OLFML2B: variants seen among roughly 807,000 people sequenced by gnomAD.
OLFML2B encodes olfactomedin-like protein 2B.
In OLFML2B, 57 loss-of-function variants were observed where a neutral mutation model predicts 74.9. The ratio of observed to expected loss-of-function variants is 0.76; its 90% CI spans 0.61 to 0.95. OLFML2B has a LOEUF of 0.95. Among genes scored for constraint, OLFML2B ranks in the 40% least tolerant of loss-of-function variants. The pLI is 0.00. For missense variants in OLFML2B, 986 were observed against 970.6 expected, an observed-to-expected ratio of 1.02 and a Z score of -0.21; for synonymous variants, 388 against 405.8, an observed-to-expected ratio of 0.96 and a Z score of 0.53.
In OLFML2B at chr1:161,997,780, T is replaced by C. The variant is rs200896596; in HGVS notation, c.1474+45A>G. On this transcript the variant is annotated intron_variant, in intron 6 of 7. Coordinates refer to ENST00000294794, the MANE Select transcript of OLFML2B (RefSeq NM_015441.3). ...CAAGATATTTCCAGGCTCAGCCTTT[T>C]ACCTGAGCTGATCAGGAGACCAAGG... 2,520 of 1,557,884 alleles carry C rather than the reference T, an allele frequency of 1.6e-3. 60 individuals carry two copies. In the South Asian group the frequency reaches 0.029, roughly 18 times the overall value.
In OLFML2B at chr1:161,998,233, G is replaced by T. The variant is rs1306231691; in HGVS notation, c.1066C>A (p.His356Asn). ...TRRPAATRQG[H>N]STAVTSDLNA... ...AGGTCGCTTGTCACAGCAGTGCTGT[G>T]TCCCTGACGGGTGGCTGCAGGCCTC... The change falls in exon 6 of 8, where the codon CAC becomes AAC. Residue 356 changes from histidine to asparagine, a missense_variant. Coordinates refer to ENST00000294794, the MANE Select transcript of OLFML2B (RefSeq NM_015441.3). 1 of 1,612,770 alleles carries T rather than the reference G, an allele frequency of 6.2e-7. No individual in the cohort carries two copies. Among genetic ancestry groups the T allele is most frequent in the Admixed American group, 1.7e-5 (1 of 60,010 alleles).
At position 162,023,619 on chromosome 1, in the gene OLFML2B, G is replaced by C; in HGVS notation, c.-189C>G. 1 of 462,562 alleles carries C rather than the reference G, an allele frequency of 2.2e-6. No individual in the cohort carries two copies. 28.7% of individuals were successfully genotyped at this position (462,562 alleles called of 1,614,324 possible). On this transcript the variant is annotated 5_prime_UTR_variant, in exon 1 of 8. Coordinates refer to ENST00000294794, the MANE Select transcript of OLFML2B (RefSeq NM_015441.3). ...CAGAGACTCTGGGCATCTCCTTCCC[G>C]ACGCGAGCAGCCCTCGACTGTGCAG...
At chr1:161,988,277 C>G (rs760225200) in intron 6 of OLFML2B, among the ~76,000 whole-genome samples, 1 of 152,156 alleles carries the variant, frequency 6.6e-6, no homozygotes, top group Non-Finnish European at 1.5e-5. Context: ...GGGGCCCTTC[C>G]CCTCAGCATA....
chr1:161,987,173 A>G (rs188268280), intron 6 of OLFML2B, among the ~76,000 whole-genome samples: 2 of 152,392 alleles, frequency 1.3e-5, no homozygotes, highest in East Asian at 3.9e-4. Context: ...CTTCAGAAGT[A>G]AAATGATTGT....
chr1:162,017,674 A>G (rs184627008), intron 2 of OLFML2B, among the ~76,000 whole-genome samples, 167 bp from the exon 3 acceptor site: 5 of 152,346 alleles, frequency 3.3e-5, no homozygotes, highest in East Asian at 1.9e-4. Flanking sequence ...GGCAAGCACA[A>G]TGGTGTATGT....
At chr1:162,020,240 G>T in intron 1 of OLFML2B, 58 bp from the exon 2 acceptor site, 1 of 1,582,186 alleles carries the variant, frequency 6.3e-7, no homozygotes. Flanking sequence ...TCAGCCTCCA[G>T]AAGGAGGCTC....
rs144678564 is a variant in OLFML2B at position 162,004,407 on chromosome 1, A to G, written c.723+1890T>C. On this transcript the variant is annotated intron_variant, in intron 4 of 7. Coordinates refer to ENST00000294794, the MANE Select transcript of OLFML2B (RefSeq NM_015441.3). ...TTTCTGAAGAAATATGATATTTCCAAAAAAGCACCAAAGTAGTCATCATGG... is the reference window on the plus strand; with the variant it reads ...TTTCTGAAGAAATATGATATTTCCAGAAAAGCACCAAAGTAGTCATCATGG... Among the ~76,000 whole-genome samples the G allele has an allele frequency of 2.0e-3, 298 of 152,338 alleles. 1 individual carries two copies. The highest frequency in any genetic ancestry group is 6.8e-3 in the African/African-American group (284 of 41,580).
rs879087072 is a variant in OLFML2B, at chr1:161,984,120, T to G, written c.1808A>C (p.Asp603Ala). ...RYVAAWAMLHDVAYEEATPWR... is the reference protein window; with the variant it reads ...RYVAAWAMLHAVAYEEATPWR... ...GGGGGTGGCCTCCTCGTAGGCCACG[T>G]CATGCAGCATGGCCCAGGCAGCCAC... The change falls in exon 8 of 8, where the codon GAC becomes GCC. Residue 603 changes from aspartate (D) to alanine (A), a missense_variant. Asp to Ala is a moderately radical substitution (Grantham distance 126, BLOSUM62 -2). Transcript: ENST00000294794. 15 of 1,611,302 alleles carry G rather than the reference T, an allele frequency of 9.3e-6. No individual in the cohort carries two copies. The highest frequency in any genetic ancestry group is 1.3e-5 in the Non-Finnish European group (15 of 1,178,346).
At chr1:161,993,420 C>T (rs1689799015) in intron 6 of OLFML2B, among the ~76,000 whole-genome samples, 1 of 152,134 alleles carries the variant, frequency 6.6e-6, no homozygotes, top group African/African-American at 2.4e-5. Flanking sequence ...GTGTTGGTCT[C>T]AATACAAGCT....
intron 5 of OLFML2B, 60 bp downstream of exon 5, chr1:162,000,053 T>C: frequency 1.5e-6 from 2 of 1,339,544 alleles, no homozygotes; most frequent in Non-Finnish European, 2.1e-6. Context: ...CCCACTATGG[T>C]CCAAATGGTG....
chr1:162,022,343 C>G lies in OLFML2B; in HGVS notation c.174+914G>C, dbSNP rs796153851. ...TCCGCTTACTGCAACCTCCACCTCCCGGGTTCAAGCGATTCTCCTGCCTCA... is the reference window on the plus strand; with the variant it reads ...TCCGCTTACTGCAACCTCCACCTCCGGGGTTCAAGCGATTCTCCTGCCTCA... On this transcript the variant is annotated intron_variant, in intron 1 of 7. Transcript: ENST00000294794. Among the ~76,000 whole-genome samples the G allele has an allele frequency of 2.1e-5, 3 of 145,350 alleles. No individual in the cohort carries two copies. The South Asian group carries it at 6.6e-4, about 32-fold the overall frequency.
chr1:162,005,769 G>T (rs1344456424), intron 4 of OLFML2B, among the ~76,000 whole-genome samples: 1 of 152,076 alleles, frequency 6.6e-6, no homozygotes, highest in East Asian at 1.9e-4. Context: ...ACCAGGCATG[G>T]TAGCATGTGC....
At chr1:162,017,922 T>C (rs1197652592) in intron 2 of OLFML2B, among the ~76,000 whole-genome samples, 1 of 152,152 alleles carries the variant, frequency 6.6e-6, no homozygotes, top group Admixed American at 6.5e-5. Flanking sequence ...GAAAATGCAG[T>C]ATGTATATAC....
In OLFML2B at chr1:162,022,031, G is replaced by C. The variant is rs147164597; in HGVS notation, c.174+1226C>G. Among the ~76,000 whole-genome samples the C allele has an allele frequency of 2.7e-3, 406 of 152,234 alleles. 2 individuals carry two copies. The highest frequency in any genetic ancestry group is 9.2e-3 in the African/African-American group (382 of 41,524). The stretch of plus-strand genomic sequence containing the variant: ...CTCTACAGGAAGGAGACAAGGCCCA[G>C]TCCTAGGGCTTGGTGGAGGTGAAGG... On this transcript the variant is annotated intron_variant, in intron 1 of 7. Coordinates refer to ENST00000294794, the MANE Select transcript of OLFML2B (RefSeq NM_015441.3).
intron 2 of OLFML2B, among the ~76,000 whole-genome samples, chr1:162,018,659 C>A (rs546510061): frequency 6.6e-6 from 1 of 152,266 alleles, no homozygotes; most frequent in South Asian, 2.1e-4. Flanking sequence ...GAGGCTCTGG[C>A]GGCACTGAGG....
At chr1:162,017,679 G>A (rs1364799693) in intron 2 of OLFML2B, among the ~76,000 whole-genome samples, 172 bp from the exon 3 acceptor site, 3 of 152,264 alleles carry the variant, frequency 2.0e-5, no homozygotes, top group Non-Finnish European at 4.4e-5. Context: ...GCACAATGGT[G>A]TATGTGCATT....
At chr1:162,011,708 C>T (rs1690393355) in intron 3 of OLFML2B, among the ~76,000 whole-genome samples, 1 of 152,224 alleles carries the variant, frequency 6.6e-6, no homozygotes, top group Admixed American at 6.5e-5. Flanking sequence ...GATGACTTGA[C>T]CCAGCTTGCC....
At chr1:162,001,486 T>C (rs564279748) in intron 4 of OLFML2B, among the ~76,000 whole-genome samples, 2 of 152,306 alleles carry the variant, frequency 1.3e-5, no homozygotes, top group African/African-American at 4.8e-5. Context: ...CTTGTGATCA[T>C]GAGGGGATTT....
At chr1:161,994,617 C>G (rs1296594323) in intron 6 of OLFML2B, among the ~76,000 whole-genome samples, 1 of 152,156 alleles carries the variant, frequency 6.6e-6, no homozygotes, top group East Asian at 1.9e-4. Context: ...CTGAGCTATT[C>G]CCAAAGCCAG....
Sources: allele counts gnomAD v4.1 joint callset (sites outside exome capture counted in the v4.1 genomes callset), GRCh38; gene constraint gnomAD v4.1.1; transcripts MANE v1.5; gene names NCBI Gene and HGNC (gene_info 2026-07-23, HGNC 2026-07-21).